The following PLEKHG4B variants were observed in gnomAD, a reference collection of about 807,000 sequenced individuals.
PLEKHG4B encodes the protein pleckstrin homology domain-containing family G member 4B.
Under a neutral mutation model 121.3 loss-of-function variants are expected in PLEKHG4B, and 111 were observed. That is an observed-to-expected ratio of 0.92 (90% CI 0.78 to 1.07). The LOEUF (loss-of-function observed/expected upper bound fraction) is 1.07. Ranked by LOEUF, PLEKHG4B falls within the 50% of genes least tolerant of loss-of-function variation. The probability of loss-of-function intolerance (pLI) is 0.00; values close to 1 mark genes in which losing one functional copy is unlikely to be tolerated. For missense variants in PLEKHG4B, 1,831 were observed against 1,757.8 expected (o/e 1.04, Z -0.74); for synonymous variants, 738 against 725.0 (o/e 1.02, Z -0.29).
At position 140,733 on chromosome 5, in the gene PLEKHG4B, C is replaced by T. The variant is rs1735146103; in HGVS notation, c.1477+17C>T. The T allele has an allele frequency of 6.5e-7, 1 of 1,533,342 alleles. No individual in the cohort carries two copies. The highest frequency in any genetic ancestry group is 1.4e-5 in the African/African-American group (1 of 71,962). 95.0% of individuals were successfully genotyped at this position (1,533,342 alleles called of 1,614,324 possible). A position where few individuals can be genotyped will look rare whatever the true frequency, so the allele number is the denominator to read the frequency against. On this transcript the variant is annotated intron_variant, in intron 3 of 19. Transcript: ENST00000637938. ...AAGAGGAAGGTAAATGCTCCCCACG[C>T]CCTCCCCTGCGCACCCCCACAACCT...
chr5:155,022 G>T, intron 8 of PLEKHG4B, 31 bp downstream of exon 8: 1 of 1,543,332 alleles, frequency 6.5e-7, no homozygotes, highest in Non-Finnish European at 8.9e-7. Context: ...CTGCACATGC[G>T]ACAGTCTCTG....
intron 1 of PLEKHG4B, among the ~76,000 whole-genome samples, chr5:112,627 G>A (rs1734189962): frequency 6.6e-6 from 1 of 152,368 alleles, no homozygotes; most frequent in South Asian, 2.1e-4. Context: ...TTTTTAGGGT[G>A]CCAAATGGGC....
intron 1 of PLEKHG4B, among the ~76,000 whole-genome samples, chr5:94,357 AG>A (rs1394287430): frequency 6.6e-6 from 1 of 152,162 alleles, no homozygotes; most frequent in Non-Finnish European, 1.5e-5. Context: ...GTGTGTGGTG[AG>A]GGGCTCCCTT....
chr5:144,776 G>C (rs190985509), intron 5 of PLEKHG4B, 51 bp from the exon 6 acceptor site: 3 of 1,514,778 alleles, frequency 2.0e-6, no homozygotes, highest in South Asian at 2.3e-5. Context: ...ACTCGTTCTT[G>C]TAAGAGATTT....
intron 7 of PLEKHG4B, among the ~76,000 whole-genome samples, chr5:154,504 T>C (rs1384355149): frequency 2.6e-5 from 4 of 152,092 alleles, no homozygotes; most frequent in Non-Finnish European, 4.4e-5. Context: ...TGCCAGGGCT[T>C]TCAGGAAACT....
At position 113,159 on chromosome 5, in the gene PLEKHG4B, C is replaced by T. The variant is rs1579247418; in HGVS notation, c.46-92C>T. 9 of 398,250 alleles carry T rather than the reference C, an allele frequency of 2.3e-5. No homozygotes were observed. The highest frequency in any genetic ancestry group is 1.4e-4 in the South Asian group (1 of 7,096). 24.7% of individuals were successfully genotyped at this position (398,250 alleles called of 1,614,324 possible). The stretch of plus-strand genomic sequence containing the variant: ...TGCCAGACACAGGACAAGGGACTTC[C>T]GTGTGGATCCTTCAGTGCCAGCCTT... On this transcript the variant is annotated intron_variant, in intron 1 of 19. Coordinates refer to ENST00000637938, the MANE Select transcript of PLEKHG4B (RefSeq NM_052909.5). The surrounding 1 kb of genome is among the most constrained non-coding windows in gnomAD (Gnocchi z 5.2).
At chr5:170,935 T>TG (rs950201277) in intron 14 of PLEKHG4B, 108 bp from the exon 15 acceptor site, 5 of 805,260 alleles carry the variant, frequency 6.2e-6, no homozygotes, top group Non-Finnish European at 1.0e-5. Flanking sequence ...AAACTGCACC[T>TG]GGGGGGTCTT....
At chr5:162,476 G>A (rs570140861) in intron 12 of PLEKHG4B, among the ~76,000 whole-genome samples, 6 of 152,356 alleles carry the variant, frequency 3.9e-5, no homozygotes, top group Non-Finnish European at 8.8e-5. Flanking sequence ...ATGTCTTCAC[G>A]TGGTCCTAGG....
At chr5:118,054 A>G (rs531607235) in intron 2 of PLEKHG4B, among the ~76,000 whole-genome samples, 55 of 152,348 alleles carry the variant, frequency 3.6e-4, no homozygotes, top group African/African-American at 1.3e-3. Flanking sequence ...AGTCTAAAAA[A>G]TAATAGACCA....
At chr5:135,252 A>G (rs1734922940) in intron 2 of PLEKHG4B, among the ~76,000 whole-genome samples, 1 of 151,952 alleles carries the variant, frequency 6.6e-6, no homozygotes, top group Admixed American at 6.6e-5. Flanking sequence ...ATACCTAGGA[A>G]TAAATTTAAC....
chr5:174,114 C>T lies in PLEKHG4B; in HGVS notation c.4402+16C>T, dbSNP rs1208798706. On this transcript the variant is annotated intron_variant, in intron 18 of 19. Transcript: ENST00000637938. ...AAGAGCAGAGGTGGGAAGATGGGGG[C>T]CGCAGGGCCTGCCAGGCTCAGGGGC... 6.4e-7 allele frequency: 1 copy of T among 1,556,472 alleles called. No homozygotes were observed.
intron 11 of PLEKHG4B, among the ~76,000 whole-genome samples, chr5:160,622 T>C (rs1340199875): frequency 6.6e-6 from 1 of 152,260 alleles, no homozygotes; most frequent in Non-Finnish European, 1.5e-5. Context: ...GGATCCTTCA[T>C]GTTCTGCTTG....
At chr5:154,310 CTTTCTT>C (rs1050655195) in intron 7 of PLEKHG4B, among the ~76,000 whole-genome samples, 3 of 152,174 alleles carry the variant, frequency 2.0e-5, no homozygotes, top group Non-Finnish European at 4.4e-5. Flanking sequence ...AGCCCCTTCC[CTTTCTT>C]TTTCTTTTTC....
At chr5:117,383 A>G (rs561158939) in intron 2 of PLEKHG4B, among the ~76,000 whole-genome samples, 1 of 152,328 alleles carries the variant, frequency 6.6e-6, no homozygotes, top group African/African-American at 2.4e-5. Flanking sequence ...TAATATTAAT[A>G]TTGAGATAAA....
intron 1 of PLEKHG4B, among the ~76,000 whole-genome samples, chr5:93,138 A>G (rs1318876292): frequency 2.0e-5 from 3 of 152,210 alleles, no homozygotes; most frequent in African/African-American, 4.8e-5. Context: ...ATTGAAACAT[A>G]TAATTTAAAA....
chr5:161,990 G>A (rs1403835145), intron 12 of PLEKHG4B, 46 bp downstream of exon 12: 2 of 1,551,790 alleles, frequency 1.3e-6, no homozygotes, highest in Admixed American at 1.8e-5. Flanking sequence ...CGGCTCCTTA[G>A]GCTGTGGACA....
At chr5:125,399 C>T (rs978235512) in intron 2 of PLEKHG4B, among the ~76,000 whole-genome samples, 3 of 151,974 alleles carry the variant, frequency 2.0e-5, no homozygotes, top group Non-Finnish European at 4.4e-5. Context: ...ACTTATTATC[C>T]TAAAGTTATA....
intron 1 of PLEKHG4B, among the ~76,000 whole-genome samples, chr5:110,601 C>T (rs940060491): frequency 3.0e-5 from 4 of 132,898 alleles, no homozygotes; most frequent in African/African-American, 1.2e-4. Flanking sequence ...CAATCTGCAA[C>T]ACGTGTGCAC....
At position 135,700 on chromosome 5, in the gene PLEKHG4B, T is replaced by A. The variant is rs1286809903; in HGVS notation, c.244-3783T>A. Among the ~76,000 whole-genome samples the A allele has an allele frequency of 9.2e-3, 637 of 69,440 alleles. 35 individuals are homozygous for A. The highest frequency in any genetic ancestry group is 0.028 in the African/African-American group (371 of 13,126). The allele number at this position is 69,440 out of a possible 152,430, so 45.6% of individuals were successfully genotyped here. A position where few individuals can be genotyped will look rare whatever the true frequency, so the allele number is the denominator to read the frequency against. On this transcript the variant is annotated intron_variant, in intron 2 of 19. Transcript: ENST00000637938. ...AAAAAAAAATATATATATATATATATATATATATATATATATATATATATA... is the reference window on the plus strand; with the variant it reads ...AAAAAAAAATATATATATATATATAAATATATATATATATATATATATATA...
Sources: gnomAD v4.1 joint callset for allele counts (sites outside exome capture counted in the v4.1 genomes callset) on GRCh38, gnomAD v4.1.1 for gene constraint, Gnocchi (gnomAD v3.1) non-coding constraint, MANE v1.5 for transcripts, NCBI Gene and HGNC (gene_info 2026-07-23, HGNC 2026-07-21) for gene names.